The following LYN variants were observed in gnomAD, a reference collection of about 807,000 sequenced individuals.
The protein encoded by LYN is tyrosine-protein kinase Lyn.
LYN carries 12 observed loss-of-function variants against 65.0 expected under a neutral mutation model. That is an observed-to-expected ratio of 0.18 (90% confidence interval 0.12 to 0.30). The LOEUF (loss-of-function observed/expected upper bound fraction) is 0.30. Among genes scored for constraint, LYN ranks in the 10% least tolerant of loss-of-function variants. The pLI is 1.00. For synonymous variants in LYN, 222 were observed against 221.2 expected (o/e 1.00, Z -0.03); for missense variants, 380 against 623.2 (o/e 0.61, Z 4.16).
rs1201536760 is a variant in LYN, at chr8:56,010,144, G to A, written c.*34G>A. ...GAGACCCGTCCATTTGGCAGGGGTG[G>A]CTGCCTCATTTAGAGAGGAAAAGTA... is the stretch of plus-strand genomic sequence containing the variant. On this transcript the variant is annotated 3_prime_UTR_variant, in exon 13 of 13. Transcript: ENST00000519728. 1 of 1,599,774 alleles carries A rather than the reference G, an allele frequency of 6.3e-7. No homozygotes were observed. Among genetic ancestry groups the A allele is most frequent in the Admixed American group, 1.7e-5 (1 of 59,880 alleles).
At position 55,932,236 on chromosome 8, in the gene LYN, G is replaced by A. The variant is rs1237707066; in HGVS notation, c.-5-9619G>A. Among the ~76,000 whole-genome samples, 12 of 152,224 alleles carry A rather than the reference G, an allele frequency of 7.9e-5. No homozygotes were observed. In the South Asian group the frequency reaches 2.5e-3, roughly 32 times the overall value. On this transcript the variant is annotated intron_variant, in intron 1 of 12. Coordinates refer to ENST00000519728, the MANE Select transcript of LYN (RefSeq NM_002350.4). ...AAAAATTAAAATTCTAAAAATGTAA[G>A]GAGAGGTAAAGCAAGAAGTGAATTA...
chr8:55,999,269 G>A (rs143645403), intron 11 of LYN, 149 bp from the exon 12 acceptor site: 337 of 630,570 alleles, frequency 5.3e-4, no homozygotes, highest in African/African-American at 4.7e-3. Context: ...GCAGTGAGCC[G>A]AGATCGCATC....
intron 1 of LYN, among the ~76,000 whole-genome samples, chr8:55,916,116 G>T (rs927608251): frequency 1.3e-5 from 2 of 152,044 alleles, no homozygotes; most frequent in African/African-American, 4.8e-5. Context: ...TCCCCTTTAT[G>T]GTAAATTATC....
At chr8:55,962,923 G>T (rs1031227031) in intron 8 of LYN, among the ~76,000 whole-genome samples, 1 of 152,228 alleles carries the variant, frequency 6.6e-6, no homozygotes, top group Non-Finnish European at 1.5e-5. Flanking sequence ...GCAAGAGAGT[G>T]ACCAGAAGAG....
intron 10 of LYN, among the ~76,000 whole-genome samples, chr8:55,981,841 A>C (rs570746801): frequency 6.6e-6 from 1 of 152,358 alleles, no homozygotes; most frequent in African/African-American, 2.4e-5. Context: ...CTGTGGGAAA[A>C]ACAAAGTGCA....
chr8:55,971,427 A>AT (rs1807606079), intron 10 of LYN, among the ~76,000 whole-genome samples: 1 of 152,262 alleles, frequency 6.6e-6, no homozygotes, highest in South Asian at 2.1e-4. Flanking sequence ...ACACGGATCA[A>AT]TGAGGCCCTC....
chr8:55,880,023 C>T lies in LYN; in HGVS notation c.-86C>T, dbSNP rs1451696355. The T allele has an allele frequency of 6.4e-6, 2 of 314,618 alleles. No homozygotes were observed. The highest frequency in any genetic ancestry group is 1.3e-5 in the Non-Finnish European group (2 of 154,468). 19.5% of individuals were successfully genotyped at this position (314,618 alleles called of 1,614,324 possible). ...GCAGCCTCCCCATACGCAGGTCCTG[C>T]TGGGCCGCCCCGTCGCGCCCCCCAC... On this transcript the variant is annotated 5_prime_UTR_variant, in exon 1 of 13. Coordinates refer to ENST00000519728, the MANE Select transcript of LYN (RefSeq NM_002350.4).
At chr8:55,938,852 A>AG (rs1415125722) in intron 1 of LYN, among the ~76,000 whole-genome samples, 3 of 152,194 alleles carry the variant, frequency 2.0e-5, no homozygotes, top group Admixed American at 6.6e-5. Context: ...CTCCTGTGTG[A>AG]GTGAGTCTTA....
intron 10 of LYN, 103 bp from the exon 11 acceptor site, chr8:55,998,243 C>A: frequency 2.5e-6 from 2 of 815,832 alleles, no homozygotes; most frequent in Non-Finnish European, 4.0e-6. Flanking sequence ...AAATAGTATA[C>A]ATGAAAAGAT....
intron 1 of LYN, among the ~76,000 whole-genome samples, chr8:55,930,042 A>C (rs1488498525): frequency 6.6e-6 from 1 of 152,188 alleles, no homozygotes; most frequent in African/African-American, 2.4e-5. Context: ...CCCATCGTGA[A>C]CTGCACATGT....
chr8:56,006,122 G>T (rs1350221625), intron 12 of LYN, among the ~76,000 whole-genome samples: 1 of 152,034 alleles, frequency 6.6e-6, no homozygotes, highest in Non-Finnish European at 1.5e-5. Flanking sequence ...GTCCTGGTTG[G>T]GGTCTTGTTT....
At chr8:55,970,825 C>T (rs1208187533) in intron 10 of LYN, among the ~76,000 whole-genome samples, 2 of 152,198 alleles carry the variant, frequency 1.3e-5, no homozygotes, top group Non-Finnish European at 2.9e-5. Flanking sequence ...ATAGCTATAC[C>T]GCTTCCATTT....
Position 56,010,428 on chromosome 8 carries a change from T to C in LYN, c.*318T>C, listed in dbSNP as rs898226933. The C allele has an allele frequency of 5.4e-6, 2 of 370,866 alleles. No homozygotes were observed. Among genetic ancestry groups the C allele is most frequent in the African/African-American group, 4.0e-5 (2 of 49,854 alleles). 23.0% of individuals were successfully genotyped at this position (370,866 alleles called of 1,614,324 possible). A position where few individuals can be genotyped will look rare whatever the true frequency, so the allele number is the denominator to read the frequency against. On this transcript the variant is annotated 3_prime_UTR_variant, in exon 13 of 13. Transcript: ENST00000519728. ...CCAAAAATGCACCCAACTAGCTCTA[T>C]GTTTACAAATGGACATAGGACTCAA...
At chr8:55,881,764 C>A (rs1238327402) in intron 1 of LYN, among the ~76,000 whole-genome samples, 1 of 152,174 alleles carries the variant, frequency 6.6e-6, no homozygotes, top group African/African-American at 2.4e-5. Flanking sequence ...TAGCAGCAGC[C>A]AGAGTTATAT....
At chr8:55,881,163 A>C (rs747351282) in intron 1 of LYN, among the ~76,000 whole-genome samples, 6 of 152,232 alleles carry the variant, frequency 3.9e-5, no homozygotes, top group Non-Finnish European at 7.3e-5. Context: ...TATTTATTGC[A>C]GTGAATTCTA....
intron 10 of LYN, among the ~76,000 whole-genome samples, chr8:55,991,567 G>A (rs1325245657): frequency 6.6e-6 from 1 of 152,126 alleles, no homozygotes; most frequent in Non-Finnish European, 1.5e-5. Flanking sequence ...TTTTCATTGT[G>A]TACAAGATGC....
At chr8:55,941,262 T>G (rs1406130265) in intron 1 of LYN, among the ~76,000 whole-genome samples, 1 of 152,198 alleles carries the variant, frequency 6.6e-6, no homozygotes, top group Non-Finnish European at 1.5e-5. Context: ...ACATCCAGCA[T>G]GTGCCTCCCT....
In LYN at chr8:55,913,490, G is replaced by A. The variant is rs138348583; in HGVS notation, c.-5-28365G>A. Among the ~76,000 whole-genome samples the A allele has an allele frequency of 2.6e-3, 396 of 152,282 alleles. 1 individual carries two copies. Among genetic ancestry groups the A allele is most frequent in the African/African-American group, 9.1e-3 (378 of 41,550 alleles). ...TAGAAAACACCAACTTGAATAAAACGATTAAAGTTGTGCTTGCTGAATTTC... is the reference window on the plus strand; with the variant it reads ...TAGAAAACACCAACTTGAATAAAACAATTAAAGTTGTGCTTGCTGAATTTC... On this transcript the variant is annotated intron_variant, in intron 1 of 12. Coordinates refer to ENST00000519728, the MANE Select transcript of LYN (RefSeq NM_002350.4).
At chr8:55,950,880 G>C in intron 6 of LYN, 96 bp downstream of exon 6, 1 of 813,806 alleles carries the variant, frequency 1.2e-6, no homozygotes, top group Middle Eastern at 2.5e-4. Flanking sequence ...AGGGCATATA[G>C]TATGCTCTGG....
Sources: allele counts gnomAD v4.1 joint callset (sites outside exome capture counted in the v4.1 genomes callset), GRCh38; gene constraint gnomAD v4.1.1; transcripts MANE v1.5; gene names NCBI Gene and HGNC (gene_info 2026-07-23, HGNC 2026-07-21).